Variants in FER observed in about 807,000 individuals in gnomAD.
FER encodes tyrosine-protein kinase Fer.
FER carries 63 observed loss-of-function variants against 111.0 expected under a neutral mutation model. The ratio of observed to expected loss-of-function variants is 0.57; its 90% CI spans 0.46 to 0.70. The LOEUF (loss-of-function observed/expected upper bound fraction) is 0.70, where lower values mean the gene tolerates loss of function less well. FER is among the 30% of genes least tolerant of loss of function. The pLI, the probability that FER is intolerant of heterozygous loss-of-function variation, is 0.00. For missense variants in FER, 914 were observed against 954.0 expected (o/e 0.96, Z 0.55); for synonymous variants, 327 against 313.9 (o/e 1.04, Z -0.44).
intron 11 of FER, among the ~76,000 whole-genome samples, chr5:108,946,717 G>T (rs1367701484): frequency 6.6e-6 from 1 of 151,940 alleles, no homozygotes; most frequent in Non-Finnish European, 1.5e-5. Flanking sequence ...TCACAGTAGT[G>T]CTAGAGTATT....
chr5:108,963,254 A>C (rs762905649), intron 13 of FER, among the ~76,000 whole-genome samples: 39 of 152,170 alleles, frequency 2.6e-4, no homozygotes, highest in Non-Finnish European at 4.9e-4. Context: ...AGGTAAAGCA[A>C]AAACATTTAT....
intron 13 of FER, among the ~76,000 whole-genome samples, chr5:109,013,325 C>G (rs994486641): frequency 2.0e-5 from 3 of 147,028 alleles, no homozygotes; most frequent in African/African-American, 5.0e-5. Flanking sequence ...TGAGAACTTG[C>G]GGTGTTTGGT....
rs76043602 is a variant in FER, at chr5:108,836,686, C to G, written c.481+879C>G. ...TTGTCATAGTAAATGAAGTAAACAGCTCCTCCATTTGGCTGTATCTTGCAC... is the reference window on the plus strand; with the variant it reads ...TTGTCATAGTAAATGAAGTAAACAGGTCCTCCATTTGGCTGTATCTTGCAC... On this transcript the variant is annotated intron_variant, in intron 5 of 19. Transcript: ENST00000281092. 3.4e-3 allele frequency among the ~76,000 whole-genome samples: 520 copies of G among 152,222 alleles called. 1 individual carries two copies. The highest frequency in any genetic ancestry group is 5.2e-3 in the Admixed American group (79 of 15,286).
At chr5:108,967,759 CAAAAAAAA>C in intron 13 of FER, among the ~76,000 whole-genome samples, 1 of 34,454 alleles carries the variant, frequency 2.9e-5, no homozygotes, top group African/African-American at 1.1e-4. Flanking sequence ...GACTCCGTCT[CAAAAAAAA>C]AAAAAAAAAA....
chr5:109,005,531 A>G (rs1313258373), intron 13 of FER, among the ~76,000 whole-genome samples: 1 of 152,222 alleles, frequency 6.6e-6, no homozygotes, highest in African/African-American at 2.4e-5. Context: ...ACGTTTGTGC[A>G]TACTCCCAGA....
chr5:109,181,318 A>G (rs1032480458), intron 18 of FER, among the ~76,000 whole-genome samples: 3 of 152,186 alleles, frequency 2.0e-5, no homozygotes, highest in Admixed American at 6.5e-5. Flanking sequence ...TGAAATCGAC[A>G]TGGTTTCTTA....
rs891803038 is a variant in FER, at chr5:108,844,139, T to C, written c.481+8332T>C. Among the ~76,000 whole-genome samples the C allele has an allele frequency of 1.4e-3, 131 of 92,226 alleles. 2 individuals carry two copies. The highest frequency in any genetic ancestry group is 5.6e-3 in the Middle Eastern group (1 of 178). The allele number at this position is 92,226 out of a possible 152,430, so 60.5% of individuals were successfully genotyped here. On this transcript the variant is annotated intron_variant, in intron 5 of 19. Transcript: ENST00000281092. ...GTGAACACATATATGTGTGTGAACATATATGTGTGTGTGAACATATATATG... is the reference window on the plus strand; with the variant it reads ...GTGAACACATATATGTGTGTGAACACATATGTGTGTGTGAACATATATATG...
intron 5 of FER, among the ~76,000 whole-genome samples, chr5:108,850,568 G>A (rs981161776): frequency 3.9e-5 from 6 of 151,928 alleles, no homozygotes; most frequent in African/African-American, 1.2e-4. Flanking sequence ...AGGAAAATGT[G>A]TTATCTCTTT....
At chr5:109,093,463 AC>A (rs1314047063) in intron 16 of FER, among the ~76,000 whole-genome samples, 6 of 152,146 alleles carry the variant, frequency 3.9e-5, no homozygotes, top group African/African-American at 1.4e-4. Flanking sequence ...TCTGACTACG[AC>A]CAACACATTC....
rs1458294201 is a variant in FER, at chr5:108,794,535, C to CA, written c.-59-3589_-59-3588insA. On this transcript the variant is annotated intron_variant, in intron 2 of 19. Coordinates refer to ENST00000281092, the MANE Select transcript of FER (RefSeq NM_005246.4). ...TGCTTGCCCCCTCCGCACCCCCCCC[C>CA]CTCCCCGCACCTTAACATTTCTTAT... 1.4e-4 allele frequency among the ~76,000 whole-genome samples: 20 copies of CA among 139,238 alleles called. No homozygotes were observed. The East Asian group carries it at 3.7e-3, about 26-fold the overall frequency. 91.3% of individuals were successfully genotyped at this position (139,238 alleles called of 152,430 possible). A position where few individuals can be genotyped will look rare whatever the true frequency, so the allele number is the denominator to read the frequency against.
intron 13 of FER, among the ~76,000 whole-genome samples, chr5:108,961,976 A>G (rs1581410448): frequency 6.6e-6 from 1 of 152,092 alleles, no homozygotes; most frequent in African/African-American, 2.4e-5. Flanking sequence ...TGTAATTTCT[A>G]TTTCCCATTT....
intron 9 of FER, among the ~76,000 whole-genome samples, chr5:108,892,605 C>G (rs1748297691): frequency 6.6e-6 from 1 of 152,088 alleles, no homozygotes; most frequent in Non-Finnish European, 1.5e-5. Flanking sequence ...AATTTTCTCT[C>G]TTTCTGTAGG....
At chr5:108,967,518 T>C (rs2149687460) in intron 13 of FER, among the ~76,000 whole-genome samples, 1 of 151,998 alleles carries the variant, frequency 6.6e-6, no homozygotes, top group African/African-American at 2.4e-5. Context: ...TCTCAGCAAT[T>C]TGGGAGGCCG....
chr5:108,833,599 A>C (rs2150134263), intron 4 of FER, among the ~76,000 whole-genome samples: 1 of 152,176 alleles, frequency 6.6e-6, no homozygotes, highest in African/African-American at 2.4e-5. Context: ...TACAGGCCAG[A>C]TGCGGTACCT....
Position 109,190,867 on chromosome 5 carries a change from T to G in FER, c.*3292T>G, listed in dbSNP as rs2126904093. Reference sequence around the variant, plus strand: ...GTATAGACCAGGAGCCTAACTGTGTTAGATATTTTCAGTGCACATTTCACA... The same window carrying G: ...GTATAGACCAGGAGCCTAACTGTGTGAGATATTTTCAGTGCACATTTCACA... On this transcript the variant is annotated 3_prime_UTR_variant, in exon 20 of 20. Transcript: ENST00000281092. The G allele has an allele frequency of 6.6e-6, 1 of 152,306 alleles. No individual in the cohort carries two copies. The highest frequency in any genetic ancestry group is 1.9e-4 in the East Asian group (1 of 5,188). 9.4% of individuals were successfully genotyped at this position (152,306 alleles called of 1,614,324 possible).
intron 17 of FER, among the ~76,000 whole-genome samples, chr5:109,149,672 G>T (rs932182125): frequency 3.9e-5 from 6 of 152,124 alleles, no homozygotes; most frequent in Non-Finnish European, 8.8e-5. Context: ...CTTTAAAAAG[G>T]AGTAATGTAG....
chr5:108,757,404 G>A (rs1751239896), intron 1 of FER, among the ~76,000 whole-genome samples: 1 of 152,164 alleles, frequency 6.6e-6, no homozygotes, highest in South Asian at 2.1e-4. Flanking sequence ...AAGAAAGCCA[G>A]CTGCTAGAAG....
At chr5:108,893,831 A>C (rs1410501633) in intron 9 of FER, among the ~76,000 whole-genome samples, 1 of 152,154 alleles carries the variant, frequency 6.6e-6, no homozygotes, top group Non-Finnish European at 1.5e-5. Flanking sequence ...TTTTAAAGAA[A>C]GTGTTCCTAC....
chr5:108,898,266 T>G (rs562678083), intron 10 of FER, among the ~76,000 whole-genome samples: 1 of 152,292 alleles, frequency 6.6e-6, no homozygotes, highest in Admixed American at 6.5e-5. Context: ...AAATATTGAT[T>G]TAGTTTAAGA....
Sources: gnomAD v4.1 joint callset for allele counts (sites outside exome capture counted in the v4.1 genomes callset) on GRCh38, gnomAD v4.1.1 for gene constraint, MANE v1.5 for transcripts, NCBI Gene and HGNC (gene_info 2026-07-23, HGNC 2026-07-21) for gene names.